APP: variants seen among roughly 807,000 people sequenced by gnomAD.
APP encodes amyloid beta precursor protein, also known as amyloid-beta precursor protein.
A neutral mutation model predicts 101.4 loss-of-function variants in APP; 31 were observed. The observed-to-expected ratio is 0.31, with a 90% CI of 0.23 to 0.41. The LOEUF is 0.41. Ranked by LOEUF, APP falls within the 10% of genes least tolerant of loss-of-function variation. The pLI is 1.00. For synonymous variants in APP, 366 were observed against 364.4 expected (o/e 1.00, Z -0.05); for missense variants, 839 against 1,003.7 (o/e 0.84, Z 2.22).
chr21:25,882,274 C>A (rs45537634), intron 17 of APP, among the ~76,000 whole-genome samples: 3 of 150,762 alleles, frequency 2.0e-5, no homozygotes, highest in Non-Finnish European at 2.9e-5. Flanking sequence ...TAGTCTAGCC[C>A]ATTTCTATCA....
intron 3 of APP, among the ~76,000 whole-genome samples, chr21:26,086,562 T>A (rs1228871560): frequency 2.7e-5 from 4 of 149,132 alleles, no homozygotes; most frequent in Non-Finnish European, 3.0e-5. Flanking sequence ...GCTAGGTCAG[T>A]AAAAAAAAAA....
chr21:25,916,458 T>C (rs904333699), intron 13 of APP, among the ~76,000 whole-genome samples: 5 of 152,362 alleles, frequency 3.3e-5, no homozygotes, highest in Middle Eastern at 3.4e-3. Flanking sequence ...ACACTGGCAC[T>C]GGGCAATTGA....
At chr21:26,099,558 T>C (rs961361911) in intron 2 of APP, among the ~76,000 whole-genome samples, 2 of 152,246 alleles carry the variant, frequency 1.3e-5, no homozygotes, top group African/African-American at 4.8e-5. Context: ...CTTAGGCATA[T>C]AAACCAAGAC....
At chr21:25,888,973 C>T (rs1421335648) in intron 17 of APP, among the ~76,000 whole-genome samples, 3 of 152,190 alleles carry the variant, frequency 2.0e-5, no homozygotes, top group Non-Finnish European at 2.9e-5. Context: ...CACTCAGATT[C>T]GCAGCCTCCT....
chr21:26,083,222 A>G (rs564499474), intron 3 of APP, among the ~76,000 whole-genome samples: 1 of 152,370 alleles, frequency 6.6e-6, no homozygotes, highest in East Asian at 1.9e-4. Flanking sequence ...ACACAAATTT[A>G]TCTACCAGGA....
chr21:25,911,805 C>T lies in APP; in HGVS notation c.1845G>A (p.Leu615=). 2.5e-6 allele frequency: 4 copies of T among 1,614,176 alleles called. No individual in the cohort carries two copies. The South Asian group carries it at 3.3e-5, about 13-fold the overall frequency. The change falls in exon 14 of 18, where the codon CTG becomes CTA. Residue 615 remains leucine, a synonymous_variant. Coordinates refer to ENST00000346798, the MANE Select transcript of APP (RefSeq NM_000484.4). ...ELLPVNGEFS[L]DDLQPWHSFG... ...AAGAATGCCACGGCTGGAGATCGTC[C>T]AGGCTGAACTCTCCATTCACGGGAA...
intron 4 of APP, among the ~76,000 whole-genome samples, chr21:26,052,898 C>A (rs559972041): frequency 6.6e-6 from 1 of 152,314 alleles, no homozygotes; most frequent in African/African-American, 2.4e-5. Context: ...AGGCATGGCA[C>A]AGACAACTTA....
At chr21:25,957,100 A>T (rs1465353541) in intron 11 of APP, among the ~76,000 whole-genome samples, 1 of 152,212 alleles carries the variant, frequency 6.6e-6, no homozygotes, top group East Asian at 1.9e-4. Context: ...TACACAATAA[A>T]AATAAAACAA....
intron 8 of APP, among the ~76,000 whole-genome samples, chr21:25,989,959 C>T (rs1291342484): frequency 1.3e-5 from 2 of 151,176 alleles, no homozygotes. Context: ...TTCCTAATTT[C>T]AAAAATAGTT....
chr21:25,976,744 T>C (rs1194633256), intron 9 of APP, among the ~76,000 whole-genome samples: 2 of 152,224 alleles, frequency 1.3e-5, no homozygotes, highest in Admixed American at 6.5e-5. Context: ...ATGGTTTGAA[T>C]GTAACCCCTA....
chr21:26,041,143 G>A (rs1427374140), intron 5 of APP, among the ~76,000 whole-genome samples: 1 of 152,150 alleles, frequency 6.6e-6, no homozygotes, highest in Non-Finnish European at 1.5e-5. Flanking sequence ...TGAGTTCCTT[G>A]TGGTAAGTTA....
intron 5 of APP, among the ~76,000 whole-genome samples, chr21:26,033,175 C>T (rs183691417): frequency 1.3e-5 from 2 of 152,258 alleles, no homozygotes; most frequent in East Asian, 1.9e-4. Context: ...AATTGTAATC[C>T]TCATAATCCC....
At chr21:25,925,559 C>A (rs1487027381) in intron 13 of APP, among the ~76,000 whole-genome samples, 2 of 152,186 alleles carry the variant, frequency 1.3e-5, no homozygotes, top group East Asian at 3.8e-4. Context: ...AGAAGACCTA[C>A]CCTCCACCAC....
chr21:26,068,682 T>C (rs1265952061), intron 3 of APP, among the ~76,000 whole-genome samples: 1 of 152,152 alleles, frequency 6.6e-6, no homozygotes, highest in Non-Finnish European at 1.5e-5. Context: ...TTTTCTTCTT[T>C]AAATTCAATC....
chr21:25,985,188 C>T (rs530592826), intron 8 of APP, among the ~76,000 whole-genome samples: 3 of 152,182 alleles, frequency 2.0e-5, no homozygotes, highest in East Asian at 1.9e-4. Context: ...TTTTTAGGCA[C>T]GTGGAAATGA....
intron 3 of APP, among the ~76,000 whole-genome samples, chr21:26,063,542 G>A (rs2046351268): frequency 6.6e-6 from 1 of 151,962 alleles, no homozygotes; most frequent in African/African-American, 2.4e-5. Context: ...AAAAAAAGAG[G>A]CTATGTCAAA....
In APP at chr21:26,079,609, G is replaced by A. The variant is rs533142900; in HGVS notation, c.355+10334C>T. Among the ~76,000 whole-genome samples the A allele has an allele frequency of 1.6e-4, 25 of 152,256 alleles. 1 individual carries two copies. Among genetic ancestry groups the A allele is most frequent in the African/African-American group, 6.0e-4 (25 of 41,552 alleles). On this transcript the variant is annotated intron_variant, in intron 3 of 17. Transcript: ENST00000346798. Reference sequence around the variant, plus strand: ...TTATTAAATCTGACGGCATTTTTATGGCATTTTTAAACTATGACACAGCTT... The same window carrying A: ...TTATTAAATCTGACGGCATTTTTATAGCATTTTTAAACTATGACACAGCTT...
intron 11 of APP, among the ~76,000 whole-genome samples, chr21:25,961,050 C>T (rs573430782): frequency 1.4e-3 from 206 of 152,172 alleles, no homozygotes; most frequent in Non-Finnish European, 2.5e-3. Context: ...CTTGGGGCCC[C>T]CAAATCACTA....
chr21:25,918,719 C>G (rs529319922), intron 13 of APP, among the ~76,000 whole-genome samples: 1 of 151,492 alleles, frequency 6.6e-6, no homozygotes, highest in Non-Finnish European at 1.5e-5. Flanking sequence ...ACACCTGGCT[C>G]GGAGGGTCCT....
Sources: allele counts gnomAD v4.1 joint callset (sites outside exome capture counted in the v4.1 genomes callset), GRCh38; gene constraint gnomAD v4.1.1; transcripts MANE v1.5; gene names NCBI Gene and HGNC (gene_info 2026-07-23, HGNC 2026-07-21).